The following CCSER1 variants were observed in gnomAD, a reference collection of about 807,000 sequenced individuals.
The protein encoded by CCSER1 is serine-rich coiled-coil domain-containing protein 1.
CCSER1 carries 41 observed loss-of-function variants against 82.0 expected under a neutral mutation model. The ratio of observed to expected loss-of-function variants is 0.50; its 90% confidence interval spans 0.39 to 0.65. The LOEUF (loss-of-function observed/expected upper bound fraction) is 0.65. Ranked by LOEUF, CCSER1 falls within the 30% of genes least tolerant of loss-of-function variation. The pLI is 0.00. For missense variants in CCSER1, 1,119 were observed against 1,064.2 expected (o/e 1.05, Z -0.72); for synonymous variants, 414 against 383.9 (o/e 1.08, Z -0.92).
At chr4:91,141,462 C>CT (rs1235702939) in intron 10 of CCSER1, among the ~76,000 whole-genome samples, 1 of 152,082 alleles carries the variant, frequency 6.6e-6, no homozygotes, top group Non-Finnish European at 1.5e-5. Flanking sequence ...CAATTTCATT[C>CT]TTTTTTTATG....
At chr4:90,888,874 G>C (rs1722543162) in intron 8 of CCSER1, among the ~76,000 whole-genome samples, 1 of 151,886 alleles carries the variant, frequency 6.6e-6, no homozygotes. Context: ...TCCTTTTCAG[G>C]GTCAGTAGAT....
chr4:91,075,920 G>C (rs897155050), intron 9 of CCSER1, among the ~76,000 whole-genome samples: 5 of 152,002 alleles, frequency 3.3e-5, no homozygotes, highest in African/African-American at 1.2e-4. Flanking sequence ...CCTAGCATAG[G>C]TTGTAAGTCA....
At chr4:90,518,697 T>C (rs1772630889) in intron 5 of CCSER1, among the ~76,000 whole-genome samples, 1 of 151,956 alleles carries the variant, frequency 6.6e-6, no homozygotes, top group Non-Finnish European at 1.5e-5. Context: ...CTCAAACTTT[T>C]CAAAGTTGGT....
intron 4 of CCSER1, among the ~76,000 whole-genome samples, 185 bp downstream of exon 4, chr4:90,400,314 CT>C (rs1418345715): frequency 6.6e-6 from 1 of 151,688 alleles, no homozygotes; most frequent in Non-Finnish European, 1.5e-5. Flanking sequence ...ATTTTAAAGC[CT>C]TTTATGGAAA....
intron 9 of CCSER1, among the ~76,000 whole-genome samples, chr4:90,965,962 G>A (rs568015536): frequency 6.6e-6 from 1 of 152,184 alleles, no homozygotes; most frequent in Admixed American, 6.5e-5. Flanking sequence ...GAAAAGTATA[G>A]TAACTGAAAT....
At chr4:91,583,580 A>G (rs1763837574) in intron 10 of CCSER1, among the ~76,000 whole-genome samples, 1 of 151,510 alleles carries the variant, frequency 6.6e-6, no homozygotes, top group Non-Finnish European at 1.5e-5. Context: ...ATAAAAGTTT[A>G]AAGCATCTTG....
intron 1 of CCSER1, among the ~76,000 whole-genome samples, chr4:90,205,097 G>C (rs1738537304): frequency 6.6e-6 from 1 of 152,208 alleles, no homozygotes. Context: ...TTTGGGCTGA[G>C]ATGATGGAGT....
intron 10 of CCSER1, among the ~76,000 whole-genome samples, chr4:91,152,302 C>G (rs1312112175): frequency 2.0e-5 from 3 of 152,132 alleles, no homozygotes; most frequent in Non-Finnish European, 2.9e-5. Flanking sequence ...GCAACCCCTG[C>G]TCCCCTTTGT....
chr4:90,256,259 T>C (rs1723268030), intron 1 of CCSER1, among the ~76,000 whole-genome samples: 1 of 152,122 alleles, frequency 6.6e-6, no homozygotes, highest in Non-Finnish European at 1.5e-5. Context: ...ATTCTTTCTA[T>C]TACAAAAATA....
chr4:90,749,588 G>A (rs190503695), intron 7 of CCSER1, among the ~76,000 whole-genome samples: 1 of 152,066 alleles, frequency 6.6e-6, no homozygotes, highest in Non-Finnish European at 1.5e-5. Context: ...GTCATTGGTA[G>A]CTTGATGGGG....
intron 9 of CCSER1, among the ~76,000 whole-genome samples, chr4:90,945,311 G>C (rs1732104182): frequency 6.6e-6 from 1 of 151,962 alleles, no homozygotes; most frequent in African/African-American, 2.4e-5. Flanking sequence ...TATTTATGCA[G>C]AATTAGCCCT....
chr4:90,497,538 A>G (rs769239062), intron 5 of CCSER1, among the ~76,000 whole-genome samples: 2 of 152,220 alleles, frequency 1.3e-5, no homozygotes, highest in Admixed American at 6.5e-5. Context: ...ATCTTAAACA[A>G]TTTACTTTTA....
chr4:90,675,487 A>T (rs115443098), intron 6 of CCSER1, among the ~76,000 whole-genome samples: 336 of 152,078 alleles, frequency 2.2e-3, no homozygotes, highest in African/African-American at 7.6e-3. Flanking sequence ...TTTGTATTTT[A>T]AGTATGTTGA....
Position 90,682,416 on chromosome 4 carries a change from CT to C in CCSER1, c.1933-41494del, listed in dbSNP as rs778733720. ...ATATCATGGCCTGGTGAATGCTTTCCTTTTCCCCATGTCTTAATATTTTATA... is the reference window on the plus strand; with the variant it reads ...ATATCATGGCCTGGTGAATGCTTTCCTTTCCCCATGTCTTAATATTTTATA... On this transcript the variant is annotated intron_variant, in intron 6 of 10. Coordinates refer to ENST00000509176, the MANE Select transcript of CCSER1 (RefSeq NM_001145065.2). Among the ~76,000 whole-genome samples the C allele has an allele frequency of 1.5e-3, 227 of 152,004 alleles. 1 individual carries two copies. The highest frequency in any genetic ancestry group is 8.8e-4 in the Non-Finnish European group (60 of 67,904).
At chr4:91,472,801 ACT>A (rs1216619090) in intron 10 of CCSER1, among the ~76,000 whole-genome samples, 1 of 152,028 alleles carries the variant, frequency 6.6e-6, no homozygotes, top group Admixed American at 6.6e-5. Context: ...GTGTCAGGAG[ACT>A]CTCATAAAAA....
At chr4:90,651,477 G>T (rs968403380) in intron 6 of CCSER1, among the ~76,000 whole-genome samples, 2 of 152,118 alleles carry the variant, frequency 1.3e-5, no homozygotes, top group African/African-American at 4.8e-5. Flanking sequence ...CTCATAAGTA[G>T]GAGTTGAACA....
At chr4:90,628,454 TAAAA>T (rs1177465089) in intron 6 of CCSER1, among the ~76,000 whole-genome samples, 1 of 152,162 alleles carries the variant, frequency 6.6e-6, no homozygotes, top group Admixed American at 6.5e-5. Flanking sequence ...ACGAAATACT[TAAAA>T]AAGAATAAAT....
At chr4:90,790,065 A>G (rs1227388306) in intron 7 of CCSER1, among the ~76,000 whole-genome samples, 1 of 152,070 alleles carries the variant, frequency 6.6e-6, no homozygotes, top group Admixed American at 6.6e-5. Context: ...TACTCCACCC[A>G]TATCTGTAGA....
At chr4:90,291,812 G>C (rs76109030) in intron 1 of CCSER1, among the ~76,000 whole-genome samples, 2,157 of 151,968 alleles carry the variant, frequency 0.014, 64 homozygotes, top group African/African-American at 0.049. Context: ...AGGTGAATTT[G>C]TTAATTATTG....
Sources: gnomAD v4.1 joint callset for allele counts (sites outside exome capture counted in the v4.1 genomes callset) on GRCh38, gnomAD v4.1.1 for gene constraint, MANE v1.5 for transcripts, NCBI Gene and HGNC (gene_info 2026-07-23, HGNC 2026-07-21) for gene names.